Variants in FAF1 observed in about 807,000 individuals in gnomAD.
FAF1 encodes the protein Fas associated factor 1.
FAF1 carries 25 observed loss-of-function variants against 92.5 expected under a neutral mutation model. The ratio of observed to expected loss-of-function variants is 0.27; its 90% confidence interval spans 0.20 to 0.38. The LOEUF (loss-of-function observed/expected upper bound fraction) is 0.38. Ranked by LOEUF, FAF1 falls within the 10% of genes least tolerant of loss-of-function variation. The probability of loss-of-function intolerance (pLI) is 1.00; values close to 1 mark genes in which losing one functional copy is unlikely to be tolerated. For missense variants in FAF1, 636 were observed against 793.3 expected, an observed-to-expected ratio of 0.80 and a Z score of 2.38; for synonymous variants, 234 against 273.2, an observed-to-expected ratio of 0.86 and a Z score of 1.42.
intron 17 of FAF1, among the ~76,000 whole-genome samples, chr1:50,484,488 G>A (rs1023607822): frequency 1.3e-5 from 2 of 152,080 alleles, no homozygotes; most frequent in African/African-American, 4.8e-5. Context: ...GTATATTTAT[G>A]TATTGGCACC....
chr1:50,650,555 GGTTGCAGTCAGCTGAGA>G (rs1654817716), intron 8 of FAF1, among the ~76,000 whole-genome samples: 1 of 152,120 alleles, frequency 6.6e-6, no homozygotes, highest in Non-Finnish European at 1.5e-5. Flanking sequence ...GGGAGGCAGA[GGTTGCAGTCAGCTGAGA>G]TCTCACCACC....
intron 5 of FAF1, among the ~76,000 whole-genome samples, chr1:50,744,404 CCT>C (rs1174256137): frequency 4.6e-5 from 7 of 151,958 alleles, no homozygotes; most frequent in African/African-American, 2.4e-5. Flanking sequence ...AAAGGTAAAG[CCT>C]CTCAAAAAAA....
chr1:50,900,877 T>C (rs564116692), intron 1 of FAF1, among the ~76,000 whole-genome samples: 2 of 152,174 alleles, frequency 1.3e-5, no homozygotes, highest in African/African-American at 2.4e-5. Flanking sequence ...TATAACTATA[T>C]AGATTTCTAA....
intron 7 of FAF1, among the ~76,000 whole-genome samples, chr1:50,693,892 CA>C (rs1657051556): frequency 6.6e-6 from 1 of 151,576 alleles, no homozygotes; most frequent in Non-Finnish European, 1.5e-5. Context: ...ATTTTAGAGT[CA>C]ATATTTGAAA....
chr1:50,890,968 TC>T (rs1156365218), intron 1 of FAF1, among the ~76,000 whole-genome samples: 3 of 152,220 alleles, frequency 2.0e-5, no homozygotes, highest in Non-Finnish European at 4.4e-5. Context: ...CCAACTTGGT[TC>T]CATTCTCCCC....
In FAF1 at chr1:50,739,049, GTTTT is replaced by G. The variant is rs550189314; in HGVS notation, c.460-99_460-96del. The G allele has an allele frequency of 7.5e-6, 6 of 794,708 alleles. 1 individual carries two copies. The highest frequency in any genetic ancestry group is 6.0e-5 in the Admixed American group (2 of 33,608). The allele number at this position is 794,708 out of a possible 1,614,324, so 49.2% of individuals were successfully genotyped here. A position where few individuals can be genotyped will look rare whatever the true frequency, so the allele number is the denominator to read the frequency against. On this transcript the variant is annotated intron_variant, in intron 5 of 18. Transcript: ENST00000396153. ...TTCTTGAAAAATTGTTAATTTTGTA[GTTTT>G]TTTTATCTTTTGATAATTTCCTAAA...
chr1:50,525,833 G>A (rs544651712), intron 15 of FAF1, among the ~76,000 whole-genome samples: 17 of 152,104 alleles, frequency 1.1e-4, no homozygotes, highest in African/African-American at 3.6e-4. Context: ...AGATTATGTT[G>A]CATAATAATG....
chr1:50,841,841 TA>T (rs1644258814), intron 2 of FAF1, among the ~76,000 whole-genome samples: 2 of 152,084 alleles, frequency 1.3e-5, no homozygotes, highest in African/African-American at 4.8e-5. Flanking sequence ...ATGGCCTGAA[TA>T]AATTAATGAT....
chr1:50,616,746 T>A (rs1052565189), intron 8 of FAF1, among the ~76,000 whole-genome samples: 11 of 151,236 alleles, frequency 7.3e-5, no homozygotes, highest in African/African-American at 2.7e-4. Context: ...AGTGGCACAA[T>A]CTTGGCTCAC....
chr1:50,877,142 G>C (rs575419153), intron 1 of FAF1, among the ~76,000 whole-genome samples: 1 of 152,346 alleles, frequency 6.6e-6, no homozygotes, highest in African/African-American at 2.4e-5. Flanking sequence ...AGCACAGGTA[G>C]TGGGGAGAAA....
chr1:50,769,647 A>C (rs1660707241), intron 4 of FAF1, among the ~76,000 whole-genome samples: 1 of 152,226 alleles, frequency 6.6e-6, no homozygotes, highest in Non-Finnish European at 1.5e-5. Context: ...AATATATACA[A>C]ATCAATTAAT....
intron 4 of FAF1, among the ~76,000 whole-genome samples, chr1:50,787,667 A>G (rs1223506220): frequency 1.3e-5 from 2 of 152,222 alleles, no homozygotes; most frequent in African/African-American, 4.8e-5. Context: ...TATCCTATGA[A>G]AAATGAGTAA....
chr1:50,484,636 C>T (rs544270337), intron 17 of FAF1, among the ~76,000 whole-genome samples: 67 of 152,006 alleles, frequency 4.4e-4, no homozygotes, highest in Non-Finnish European at 7.6e-4. Flanking sequence ...ATAATTATGG[C>T]CCAGTGTGGA....
intron 12 of FAF1, among the ~76,000 whole-genome samples, chr1:50,572,862 A>T (rs985496752): frequency 4.6e-5 from 7 of 151,638 alleles, no homozygotes; most frequent in South Asian, 2.1e-4. Flanking sequence ...ATGATACTTT[A>T]AAAAAAAATT....
At chr1:50,687,612 T>C (rs773911464) in intron 7 of FAF1, among the ~76,000 whole-genome samples, 6 of 151,624 alleles carry the variant, frequency 4.0e-5, no homozygotes, top group Non-Finnish European at 7.4e-5. Context: ...TAGCCAGGCA[T>C]GGGGCGCGTG....
intron 1 of FAF1, among the ~76,000 whole-genome samples, chr1:50,930,491 C>T (rs1005526258): frequency 2.0e-5 from 3 of 152,174 alleles, no homozygotes; most frequent in African/African-American, 7.2e-5. Context: ...AGTGTTCTCA[C>T]TCATACAATG....
At chr1:50,668,129 C>G (rs918345867) in intron 7 of FAF1, among the ~76,000 whole-genome samples, 3 of 152,162 alleles carry the variant, frequency 2.0e-5, no homozygotes, top group African/African-American at 7.2e-5. Flanking sequence ...GTGTTGGGGT[C>G]TGCCATGAAT....
At chr1:50,679,496 T>G (rs1656330861) in intron 7 of FAF1, among the ~76,000 whole-genome samples, 1 of 149,998 alleles carries the variant, frequency 6.7e-6, no homozygotes, top group South Asian at 2.1e-4. Context: ...TGATCCTGCC[T>G]CTCTACTCAG....
intron 15 of FAF1, among the ~76,000 whole-genome samples, chr1:50,506,359 C>T (rs1328064467): frequency 6.6e-6 from 1 of 152,112 alleles, no homozygotes; most frequent in African/African-American, 2.4e-5. Context: ...CCCAAACAAG[C>T]CCTCTCACAA....
Sources: allele counts gnomAD v4.1 joint callset (sites outside exome capture counted in the v4.1 genomes callset), GRCh38; gene constraint gnomAD v4.1.1; transcripts MANE v1.5; gene names NCBI Gene and HGNC (gene_info 2026-07-23, HGNC 2026-07-21).